TEAD1: variants seen among roughly 807,000 people sequenced by gnomAD.
TEAD1 encodes the protein TEA domain transcription factor 1.
In TEAD1, 9 loss-of-function variants were observed where a neutral mutation model predicts 54.9. The ratio of observed to expected loss-of-function variants is 0.16; its 90% CI spans 0.10 to 0.29. TEAD1 has a LOEUF of 0.29. Ranked by LOEUF, TEAD1 falls within the 10% of genes least tolerant of loss-of-function variation. The pLI, the probability that TEAD1 is intolerant of heterozygous loss-of-function variation, is 1.00. For synonymous variants in TEAD1, 200 were observed against 187.8 expected (o/e 1.07, Z -0.53); for missense variants, 387 against 535.9 (o/e 0.72, Z 2.74).
rs3046338 is a variant in TEAD1 at position 12,844,959 on chromosome 11, C to CTTTTTTTT, written c.203-17274_203-17267dup. 1.1e-4 allele frequency among the ~76,000 whole-genome samples: 7 copies of CTTTTTTTT among 64,660 alleles called. 1 individual carries two copies. Among genetic ancestry groups the CTTTTTTTT allele is most frequent in the South Asian group, 1.7e-3 (2 of 1,194 alleles). The allele number at this position is 64,660 out of a possible 152,430, so 42.4% of individuals were successfully genotyped here. A position where few individuals can be genotyped will look rare whatever the true frequency, so the allele number is the denominator to read the frequency against. ...CTGCCCTGATTGACGTGTATGAAATCTTTTTTTTTTTTTTTTTTTTTTTTG... is the reference window on the plus strand; with the variant it reads ...CTGCCCTGATTGACGTGTATGAAATCTTTTTTTTTTTTTTTTTTTTTTTTTTTTTTTTG... On this transcript the variant is annotated intron_variant, in intron 3 of 12. Coordinates refer to ENST00000527636, the MANE Select transcript of TEAD1 (RefSeq NM_021961.6).
At chr11:12,884,555 A>G (rs1589957496) in intron 9 of TEAD1, among the ~76,000 whole-genome samples, 1 of 152,142 alleles carries the variant, frequency 6.6e-6, no homozygotes, top group East Asian at 1.9e-4. Context: ...CCCGTGGGGC[A>G]GAGGGGCTTG....
intron 10 of TEAD1, 25 bp from the exon 11 acceptor site, chr11:12,924,887 C>G (rs1948880720): frequency 6.2e-7 from 1 of 1,613,942 alleles, no homozygotes; most frequent in South Asian, 1.1e-5. Context: ...GAGAATAACC[C>G]ACACCTCCAT....
intron 3 of TEAD1, among the ~76,000 whole-genome samples, chr11:12,775,862 C>T (rs1037301533): frequency 2.0e-5 from 3 of 152,012 alleles, no homozygotes; most frequent in Admixed American, 6.5e-5. Flanking sequence ...TTTATTTTTT[C>T]CTCTGGTTCT....
chr11:12,900,212 C>T (rs946659958), intron 9 of TEAD1, among the ~76,000 whole-genome samples: 4 of 151,194 alleles, frequency 2.6e-5, no homozygotes, highest in African/African-American at 9.8e-5. Flanking sequence ...CAGGCATGCA[C>T]CACCACACCT....
chr11:12,732,934 A>G lies in TEAD1; in HGVS notation c.-54-31245A>G, dbSNP rs145303743. 4.2e-3 allele frequency among the ~76,000 whole-genome samples: 643 copies of G among 152,292 alleles called. 8 individuals are homozygous for G. Among genetic ancestry groups the G allele is most frequent in the African/African-American group, 0.015 (617 of 41,562 alleles). On this transcript the variant is annotated intron_variant, in intron 2 of 12. Transcript: ENST00000527636. ...CTTGAGGCTTGCAAAGCTAATACCT[A>G]CTTAGGACTGATTACTCTTAGATCA...
At chr11:12,907,203 C>G (rs1260592714) in intron 10 of TEAD1, among the ~76,000 whole-genome samples, 2 of 152,040 alleles carry the variant, frequency 1.3e-5, no homozygotes. Flanking sequence ...AGATGAGGGG[C>G]TGGTAAGCAA....
rs187841785 is a variant in TEAD1, at chr11:12,867,185, A to G, written c.330+2285A>G. Among the ~76,000 whole-genome samples the G allele has an allele frequency of 3.3e-5, 5 of 152,242 alleles. No individual in the cohort carries two copies. The East Asian group carries it at 9.7e-4, about 29-fold the overall frequency. ...GAACTCAGATCTTTTTGCACCCTAA[A>G]CGAATCATTGTTTTAGATAAAATTT... On this transcript the variant is annotated intron_variant, in intron 5 of 12. Transcript: ENST00000527636.
Position 12,777,997 on chromosome 11 carries a change from C to A in TEAD1, c.202+13563C>A, listed in dbSNP as rs1048611171. On this transcript the variant is annotated intron_variant, in intron 3 of 12. Coordinates refer to ENST00000527636, the MANE Select transcript of TEAD1 (RefSeq NM_021961.6). ...AAAATAATAATAATGAATATTTGTT[C>A]TTGCAATGAATTTTTGCAATAATGA... Among the ~76,000 whole-genome samples the A allele has an allele frequency of 7.2e-5, 11 of 152,152 alleles. No individual in the cohort carries two copies. The South Asian group carries it at 1.0e-3, about 14-fold the overall frequency.
chr11:12,722,684 C>T (rs566400374), intron 2 of TEAD1, among the ~76,000 whole-genome samples: 2 of 150,464 alleles, frequency 1.3e-5, no homozygotes, highest in Non-Finnish European at 3.0e-5. Context: ...ACACTATAAC[C>T]GCAAAAAAGA....
At chr11:12,773,259 T>A (rs1431350253) in intron 3 of TEAD1, among the ~76,000 whole-genome samples, 1 of 152,266 alleles carries the variant, frequency 6.6e-6, no homozygotes, top group African/African-American at 2.4e-5. Flanking sequence ...TGTATGAAAC[T>A]AAGTATTCAC....
intron 11 of TEAD1, among the ~76,000 whole-genome samples, chr11:12,927,349 T>A (rs1948921796): frequency 1.3e-5 from 2 of 152,344 alleles, no homozygotes; most frequent in South Asian, 4.1e-4. Flanking sequence ...CCCTTTAAAT[T>A]ACCATATATT....
chr11:12,847,162 C>T (rs1947173075), intron 3 of TEAD1, among the ~76,000 whole-genome samples: 1 of 152,142 alleles, frequency 6.6e-6, no homozygotes, highest in Non-Finnish European at 1.5e-5. Flanking sequence ...GCCATGATGT[C>T]ATATATTCAG....
intron 3 of TEAD1, among the ~76,000 whole-genome samples, chr11:12,846,550 G>C (rs1212357249): frequency 2.6e-5 from 4 of 152,074 alleles, no homozygotes; most frequent in African/African-American, 9.7e-5. Context: ...TGAGCTTGCA[G>C]ATAAAGCTGT....
At chr11:12,740,945 T>C (rs1460829930) in intron 2 of TEAD1, among the ~76,000 whole-genome samples, 8 of 152,282 alleles carry the variant, frequency 5.3e-5, no homozygotes, top group African/African-American at 1.9e-4. Context: ...TGAACTTGTA[T>C]CTGATGTTTA....
chr11:12,833,464 GA>G, intron 3 of TEAD1, among the ~76,000 whole-genome samples: 1 of 152,092 alleles, frequency 6.6e-6, no homozygotes, highest in Non-Finnish European at 1.5e-5. Flanking sequence ...CTAAGATAAT[GA>G]AAAAGGAGAA....
At chr11:12,685,568 G>A (rs1943315063) in intron 2 of TEAD1, among the ~76,000 whole-genome samples, 1 of 152,156 alleles carries the variant, frequency 6.6e-6, no homozygotes, top group Admixed American at 6.5e-5. Context: ...AATAAGAAGA[G>A]TTTCTACCAG....
Position 12,711,291 on chromosome 11 carries a change from A to T in TEAD1, c.-55+35730A>T, listed in dbSNP as rs140427174. On this transcript the variant is annotated intron_variant, in intron 2 of 12. Transcript: ENST00000527636. ...GACTGGGTGATTATAAGCCATAGAA[A>T]TCCTGGCTAGAGCAGGAGTTGGAAG... Among the ~76,000 whole-genome samples, 15 of 152,278 alleles carry T rather than the reference A, an allele frequency of 9.9e-5. No individual in the cohort carries two copies. The East Asian group carries it at 1.4e-3, about 14-fold the overall frequency.
At chr11:12,734,132 T>C (rs1011818577) in intron 2 of TEAD1, among the ~76,000 whole-genome samples, 1 of 152,198 alleles carries the variant, frequency 6.6e-6, no homozygotes, top group Non-Finnish European at 1.5e-5. Flanking sequence ...CCCAGGCTGG[T>C]CTTGAACTCC....
intron 3 of TEAD1, among the ~76,000 whole-genome samples, chr11:12,848,203 A>T (rs1947197186): frequency 6.6e-6 from 1 of 152,184 alleles, no homozygotes; most frequent in African/African-American, 2.4e-5. Context: ...GAGAGTGTGT[A>T]TTATTCCAGC....
Sources: allele counts gnomAD v4.1 joint callset (sites outside exome capture counted in the v4.1 genomes callset), GRCh38; gene constraint gnomAD v4.1.1; transcripts MANE v1.5; gene names NCBI Gene and HGNC (gene_info 2026-07-23, HGNC 2026-07-21).